APBB2: variants seen among roughly 807,000 people sequenced by gnomAD.
The protein encoded by APBB2 is Fe65-like 1.
Under a neutral mutation model 82.5 loss-of-function variants are expected in APBB2, and 38 were observed. That is an observed-to-expected ratio of 0.46 (90% CI 0.36 to 0.60). The LOEUF is 0.60. APBB2 is among the 20% of genes least tolerant of loss of function. The pLI, the probability that APBB2 is intolerant of heterozygous loss-of-function variation, is 0.00. For missense variants in APBB2, 772 were observed against 972.3 expected, an observed-to-expected ratio of 0.79 and a Z score of 2.74; for synonymous variants, 341 against 368.2, an observed-to-expected ratio of 0.93 and a Z score of 0.85.
intron 4 of APBB2, among the ~76,000 whole-genome samples, chr4:41,056,454 C>T (rs149027646): frequency 1.3e-3 from 204 of 152,286 alleles, no homozygotes; most frequent in African/African-American, 4.7e-3. Flanking sequence ...GGAAGATGAT[C>T]TGGAAATTGT....
chr4:40,941,159 C>T (rs1245350730), intron 7 of APBB2, among the ~76,000 whole-genome samples: 1 of 150,878 alleles, frequency 6.6e-6, no homozygotes, highest in Non-Finnish European at 1.5e-5. Flanking sequence ...TTTTTTGAAG[C>T]CAGCTCAGAA....
chr4:41,158,649 T>C (rs1039677730), intron 1 of APBB2, among the ~76,000 whole-genome samples: 15 of 152,158 alleles, frequency 9.9e-5, no homozygotes, highest in African/African-American at 3.6e-4. Context: ...TTCAAGGGTG[T>C]TGAGGGGTAT....
intron 6 of APBB2, among the ~76,000 whole-genome samples, chr4:40,951,041 C>T (rs1789998841): frequency 6.6e-6 from 1 of 152,044 alleles, no homozygotes; most frequent in Admixed American, 6.6e-5. Flanking sequence ...ATTGCTTAGG[C>T]ATATAGATGT....
chr4:40,981,945 G>A (rs1215061865), intron 6 of APBB2, among the ~76,000 whole-genome samples: 1 of 151,918 alleles, frequency 6.6e-6, no homozygotes, highest in African/African-American at 2.4e-5. Context: ...CAGCACTTTG[G>A]GAGGCCGAGA....
chr4:41,073,553 A>G (rs577125708), intron 3 of APBB2, among the ~76,000 whole-genome samples: 2 of 152,298 alleles, frequency 1.3e-5, no homozygotes, highest in African/African-American at 4.8e-5. Context: ...TCACCTTCCA[A>G]CTGCCAACAT....
intron 2 of APBB2, among the ~76,000 whole-genome samples, chr4:41,135,951 A>G: frequency 6.6e-6 from 1 of 152,202 alleles, no homozygotes; most frequent in East Asian, 1.9e-4. Context: ...GACTACAGAT[A>G]CGTGCCACCA....
chr4:41,093,563 C>T (rs1159634990), intron 3 of APBB2, among the ~76,000 whole-genome samples: 2 of 151,860 alleles, frequency 1.3e-5, no homozygotes, highest in African/African-American at 4.8e-5. Flanking sequence ...TTAAAAAGTT[C>T]GTAAGAAGGG....
At chr4:41,001,516 T>C (rs540176464) in intron 6 of APBB2, among the ~76,000 whole-genome samples, 27 of 152,318 alleles carry the variant, frequency 1.8e-4, no homozygotes, top group African/African-American at 6.5e-4. Flanking sequence ...AACATCTAAT[T>C]ATACTAAGGA....
intron 1 of APBB2, among the ~76,000 whole-genome samples, chr4:41,194,331 A>G: frequency 0.31 from 47,808 of 152,056 alleles, 11,127 homozygotes; most frequent in African/African-American, 0.66. Context: ...CAAAAAAGAA[A>G]AGAAGAGAGA....
chr4:40,921,930 G>A (rs1781366077), intron 10 of APBB2, among the ~76,000 whole-genome samples: 1 of 152,200 alleles, frequency 6.6e-6, no homozygotes, highest in Non-Finnish European at 1.5e-5. Flanking sequence ...GCCCCTTCCT[G>A]AGCAGCGTGT....
rs762949872 is a variant in APBB2 at position 41,159,913 on chromosome 4, G to GAGGAGA, written c.-416-16772_-416-16771insTCTCCT. Among the ~76,000 whole-genome samples the GAGGAGA allele has an allele frequency of 4.4e-4, 10 of 22,690 alleles. 2 individuals carry two copies. The highest frequency in any genetic ancestry group is 6.8e-4 in the African/African-American group (5 of 7,342). The allele number at this position is 22,690 out of a possible 152,430, so 14.9% of individuals were successfully genotyped here. A position where few individuals can be genotyped will look rare whatever the true frequency, so the allele number is the denominator to read the frequency against. On this transcript the variant is annotated intron_variant, in intron 1 of 17. Coordinates refer to ENST00000508593, the MANE Select transcript of APBB2 (RefSeq NM_004307.2). ...AAAAAGGAAGAAGAAGGAGAAGGAG[G>GAGGAGA]AGGAGGAGGAGGAGGAGGAGGAGGA... is the stretch of plus-strand genomic sequence containing the variant.
At chr4:41,079,916 C>T (rs954627503) in intron 3 of APBB2, among the ~76,000 whole-genome samples, 2 of 152,156 alleles carry the variant, frequency 1.3e-5, no homozygotes, top group Admixed American at 1.3e-4. Context: ...CACTAATTGA[C>T]CTCACAACAA....
At position 40,813,139 on chromosome 4, in the gene APBB2, T is replaced by A. The variant is rs1184862692; in HGVS notation, c.*2953A>T. On this transcript the variant is annotated 3_prime_UTR_variant, in exon 18 of 18. Transcript: ENST00000508593. ...TAAGCATTTTGCCTTTTCTTCTACA[T>A]ATCCCAATAGAAATGTGACTACAAA... The A allele has an allele frequency of 6.6e-6, 1 of 152,216 alleles. No homozygotes were observed. The highest frequency in any genetic ancestry group is 1.5e-5 in the Non-Finnish European group (1 of 68,046). 9.4% of individuals were successfully genotyped at this position (152,216 alleles called of 1,614,324 possible).
intron 1 of APBB2, among the ~76,000 whole-genome samples, chr4:41,192,739 G>A (rs1774818565): frequency 6.6e-6 from 1 of 152,112 alleles, no homozygotes; most frequent in African/African-American, 2.4e-5. Flanking sequence ...TGGGATTCCT[G>A]ATAAATGAAC....
intron 1 of APBB2, among the ~76,000 whole-genome samples, chr4:41,170,681 C>CTTTA (rs937880693): frequency 1.3e-5 from 2 of 151,994 alleles, no homozygotes; most frequent in Non-Finnish European, 2.9e-5. Context: ...AGAAAAAGAA[C>CTTTA]TTTAATGGGA....
At chr4:40,997,463 C>T (rs75581117) in intron 6 of APBB2, among the ~76,000 whole-genome samples, 6,371 of 152,298 alleles carry the variant, frequency 0.042, 270 homozygotes, top group African/African-American at 0.11. Context: ...TTAACAAAAG[C>T]AAGGTCAGTT....
intron 12 of APBB2, among the ~76,000 whole-genome samples, chr4:40,888,613 TATGTA>T (rs1160546889): frequency 1.2e-4 from 18 of 146,916 alleles, no homozygotes; most frequent in African/African-American, 3.8e-4. Context: ...CTCGCACACG[TATGTA>T]ATGTAACAAG....
chr4:41,020,026 A>T (rs1338223839), intron 5 of APBB2, among the ~76,000 whole-genome samples: 1 of 152,190 alleles, frequency 6.6e-6, no homozygotes, highest in Non-Finnish European at 1.5e-5. Context: ...AGAGAAGGAA[A>T]GAGAGGAAGA....
intron 3 of APBB2, among the ~76,000 whole-genome samples, chr4:41,099,025 T>G (rs1222046115): frequency 6.6e-6 from 1 of 152,248 alleles, no homozygotes; most frequent in Non-Finnish European, 1.5e-5. Context: ...ATTTCTATTT[T>G]TTTTTTAAAT....
Sources: allele counts gnomAD v4.1 joint callset (sites outside exome capture counted in the v4.1 genomes callset), GRCh38; gene constraint gnomAD v4.1.1; transcripts MANE v1.5; gene names NCBI Gene and HGNC (gene_info 2026-07-23, HGNC 2026-07-21).